Variants in SPAG16 observed in about 807,000 individuals in gnomAD.
The protein encoded by SPAG16 is sperm-associated antigen 16 protein.
Under a neutral mutation model 80.4 loss-of-function variants are expected in SPAG16, and 86 were observed. That is an observed-to-expected ratio of 1.07 (90% CI 0.90 to 1.28). SPAG16 has a LOEUF of 1.28. Ranked by LOEUF, SPAG16 falls within the 50% of genes most tolerant of loss-of-function variation. The pLI is 0.00. For synonymous variants in SPAG16, 294 were observed against 265.9 expected (o/e 1.11, Z -1.03); for missense variants, 870 against 765.3 (o/e 1.14, Z -1.61).
intron 15 of SPAG16, among the ~76,000 whole-genome samples, chr2:214,357,597 C>A (rs1698902807): frequency 6.6e-6 from 1 of 151,710 alleles, no homozygotes; most frequent in Non-Finnish European, 1.5e-5. Flanking sequence ...GTCTCTTGTT[C>A]CTTCATCATT....
At chr2:213,304,163 G>C (rs763773269) in intron 3 of SPAG16, among the ~76,000 whole-genome samples, 4 of 151,954 alleles carry the variant, frequency 2.6e-5, no homozygotes, top group Non-Finnish European at 5.9e-5. Context: ...TTATTTAACT[G>C]TTTGCCATTT....
chr2:213,372,801 A>C (rs888840235), intron 8 of SPAG16, among the ~76,000 whole-genome samples: 1 of 152,086 alleles, frequency 6.6e-6, no homozygotes, highest in African/African-American at 2.4e-5. Flanking sequence ...GAAGTTAGGG[A>C]GTGGCATGAA....
chr2:213,652,269 T>C (rs1260101978), intron 10 of SPAG16, among the ~76,000 whole-genome samples: 1 of 152,168 alleles, frequency 6.6e-6, no homozygotes, highest in Non-Finnish European at 1.5e-5. Context: ...ATTTTCCCCA[T>C]ATGGTATATA....
intron 10 of SPAG16, among the ~76,000 whole-genome samples, chr2:213,683,388 A>C (rs2064491783): frequency 6.6e-6 from 1 of 152,086 alleles, no homozygotes; most frequent in African/African-American, 2.4e-5. Context: ...CCATCTCTAC[A>C]AAAAATAGAA....
chr2:213,512,079 C>T (rs2075248953), intron 10 of SPAG16, among the ~76,000 whole-genome samples: 1 of 151,972 alleles, frequency 6.6e-6, no homozygotes, highest in Non-Finnish European at 1.5e-5. Flanking sequence ...TCACAACAGT[C>T]ATGGTTATCA....
At chr2:213,675,193 G>T (rs577865224) in intron 10 of SPAG16, among the ~76,000 whole-genome samples, 1 of 152,206 alleles carries the variant, frequency 6.6e-6, no homozygotes, top group African/African-American at 2.4e-5. Flanking sequence ...CTTTTGAGAA[G>T]TGTCTGTTCA....
chr2:214,016,175 T>A (rs1400775621), intron 13 of SPAG16, among the ~76,000 whole-genome samples: 2 of 152,158 alleles, frequency 1.3e-5, no homozygotes, highest in Non-Finnish European at 2.9e-5. Context: ...CTCACCCTGC[T>A]GATAAAGACA....
At chr2:213,356,332 C>T (rs1373926218) in intron 7 of SPAG16, among the ~76,000 whole-genome samples, 1 of 152,176 alleles carries the variant, frequency 6.6e-6, no homozygotes, top group Non-Finnish European at 1.5e-5. Context: ...GTACCAGCTC[C>T]TCTTTGTACC....
At chr2:214,009,079 T>C (rs1318177245) in intron 12 of SPAG16, among the ~76,000 whole-genome samples, 3 of 152,184 alleles carry the variant, frequency 2.0e-5, no homozygotes, top group African/African-American at 7.2e-5. Context: ...TCTGGTATCA[T>C]TGTTCAGCAA....
chr2:213,520,065 GGA>G (rs371860669), intron 10 of SPAG16, among the ~76,000 whole-genome samples: 23 of 148,526 alleles, frequency 1.5e-4, no homozygotes, highest in African/African-American at 5.6e-4. Context: ...GAAATAGAGA[GGA>G]GAGAGAGAGA....
chr2:214,147,256 C>T (rs1576347663), intron 14 of SPAG16, among the ~76,000 whole-genome samples: 1 of 152,102 alleles, frequency 6.6e-6, no homozygotes, highest in South Asian at 2.1e-4. Flanking sequence ...ATAGAAGTTT[C>T]AAGTATTAAA....
At chr2:213,870,642 C>T (rs1474865824) in intron 11 of SPAG16, among the ~76,000 whole-genome samples, 1 of 152,032 alleles carries the variant, frequency 6.6e-6, no homozygotes, top group Non-Finnish European at 1.5e-5. Flanking sequence ...GAATGTTCCA[C>T]GAGAAAATAT....
chr2:214,385,901 GACA>G (rs1199676044), intron 15 of SPAG16, among the ~76,000 whole-genome samples: 3 of 152,152 alleles, frequency 2.0e-5, no homozygotes, highest in African/African-American at 7.2e-5. Context: ...TGAGTTGGCT[GACA>G]ACAAGCACAG....
At chr2:213,796,219 G>A (rs1344104330) in intron 10 of SPAG16, among the ~76,000 whole-genome samples, 1 of 151,700 alleles carries the variant, frequency 6.6e-6, no homozygotes, top group South Asian at 2.1e-4. Flanking sequence ...ACAATGTAAG[G>A]ATTTTTAGTA....
chr2:213,540,091 G>C (rs2125913305), intron 10 of SPAG16, among the ~76,000 whole-genome samples: 1 of 144,180 alleles, frequency 6.9e-6, no homozygotes, highest in South Asian at 2.2e-4. Flanking sequence ...CTGGAGTGCA[G>C]TGGCCCGATC....
At chr2:214,338,150 C>A (rs1697425378) in intron 15 of SPAG16, among the ~76,000 whole-genome samples, 1 of 152,104 alleles carries the variant, frequency 6.6e-6, no homozygotes, top group Non-Finnish European at 1.5e-5. Context: ...GAAACAAAAT[C>A]AAGTTTATGC....
intron 9 of SPAG16, among the ~76,000 whole-genome samples, chr2:213,461,160 G>A (rs1246612440): frequency 6.6e-6 from 1 of 152,066 alleles, no homozygotes; most frequent in African/African-American, 2.4e-5. Context: ...TGCCATCCTT[G>A]TTTGCTAGTA....
chr2:213,573,758 T>G (rs1279384783), intron 10 of SPAG16, among the ~76,000 whole-genome samples: 3 of 152,234 alleles, frequency 2.0e-5, no homozygotes, highest in Non-Finnish European at 4.4e-5. Flanking sequence ...TGAATATTTG[T>G]TTTGCTGGTA....
At chr2:213,939,439 G>A (rs1275406246) in intron 12 of SPAG16, among the ~76,000 whole-genome samples, 1 of 152,150 alleles carries the variant, frequency 6.6e-6, no homozygotes, top group Non-Finnish European at 1.5e-5. Context: ...ATCACTGAGA[G>A]TGACTGTCTT....
Sources: allele counts gnomAD v4.1 joint callset (sites outside exome capture counted in the v4.1 genomes callset), GRCh38; gene constraint gnomAD v4.1.1; transcripts MANE v1.5; gene names NCBI Gene and HGNC (gene_info 2026-07-23, HGNC 2026-07-21).